RAB3GAP2: variants seen among roughly 807,000 people sequenced by gnomAD.
RAB3GAP2 encodes RAB3 GTPase activating non-catalytic protein subunit 2.
A neutral mutation model predicts 185.3 loss-of-function variants in RAB3GAP2; 87 were observed. The ratio of observed to expected loss-of-function variants is 0.47; its 90% confidence interval spans 0.39 to 0.56. The LOEUF (loss-of-function observed/expected upper bound fraction) is 0.56, where lower values mean the gene tolerates loss of function less well. Ranked by LOEUF, RAB3GAP2 falls within the 20% of genes least tolerant of loss-of-function variation. The probability of loss-of-function intolerance (pLI) is 0.00; values close to 1 mark genes in which losing one functional copy is unlikely to be tolerated. For synonymous variants in RAB3GAP2, 554 were observed against 576.1 expected, an observed-to-expected ratio of 0.96 and a Z score of 0.55; for missense variants, 1,492 against 1,638.2, an observed-to-expected ratio of 0.91 and a Z score of 1.54.
rs141287582 is a variant in RAB3GAP2 at position 220,225,395 on chromosome 1, A to T, written c.180+7404T>A. ...AAAAAAGACAGACTGGGAGGGTTACATTAAGAGCCATGGGCTAAATAAACC... is the reference window on the plus strand; with the variant it reads ...AAAAAAGACAGACTGGGAGGGTTACTTTAAGAGCCATGGGCTAAATAAACC... On this transcript the variant is annotated intron_variant, in intron 2 of 34. Coordinates refer to ENST00000358951, the MANE Select transcript of RAB3GAP2 (RefSeq NM_012414.4). 4.6e-4 allele frequency among the ~76,000 whole-genome samples: 70 copies of T among 152,318 alleles called. 2 individuals carry two copies. Among genetic ancestry groups the T allele is most frequent in the African/African-American group, 1.6e-3 (68 of 41,584 alleles).
chr1:220,198,898 A>T (rs1324067837), intron 9 of RAB3GAP2, among the ~76,000 whole-genome samples: 2 of 152,202 alleles, frequency 1.3e-5, no homozygotes, highest in African/African-American at 4.8e-5. Context: ...CCTCTTTGAC[A>T]ATGTGATATA....
chr1:220,182,135 G>T, intron 21 of RAB3GAP2, 122 bp downstream of exon 21: 1 of 1,502,878 alleles, frequency 6.7e-7, no homozygotes, highest in South Asian at 1.3e-5. Flanking sequence ...ATCATTTTTA[G>T]AAAGTTTTCA....
rs1289968502 is a variant in RAB3GAP2, at chr1:220,190,064, C to G, written c.1714G>C (p.Asp572His). Reference protein sequence around the residue: ...ALLKTKSPNLDLVETEIKELI... With the variant: ...ALLKTKSPNLHLVETEIKELI... Reference sequence around the variant, plus strand: ...ATTATTTGTATGAGAGAATACCTACCAAGATTGGGAGATTTTGTTTTCAGT... The same window carrying G: ...ATTATTTGTATGAGAGAATACCTACGAAGATTGGGAGATTTTGTTTTCAGT... The change falls in exon 16 of 35, where the codon GAT becomes CAT. Residue 572 changes from aspartate to histidine, a missense_variant and splice_region_variant. Transcript: ENST00000358951. 6.2e-7 allele frequency: 1 copy of G among 1,602,252 alleles called. No homozygotes were observed. The highest frequency in any genetic ancestry group is 2.2e-5 in the East Asian group (1 of 44,760).
chr1:220,200,754 C>T, intron 9 of RAB3GAP2: 1 of 428,168 alleles, frequency 2.3e-6, no homozygotes, highest in Non-Finnish European at 4.8e-6. Context: ...CAGAGTATTC[C>T]ATGTAAGAGC....
At chr1:220,153,550 AAAC>A (rs1657801763) in intron 32 of RAB3GAP2, 144 bp from the exon 33 acceptor site, 1 of 700,130 alleles carries the variant, frequency 1.4e-6, no homozygotes, top group Non-Finnish European at 2.5e-6. Flanking sequence ...CACATCATTT[AAAC>A]AACTAGCTCT....
chr1:220,266,355 T>G, intron 1 of RAB3GAP2: 1 of 397,010 alleles, frequency 2.5e-6, no homozygotes, highest in Non-Finnish European at 4.8e-6. Flanking sequence ...ACCGATCGAG[T>G]CAGCACAAAG....
intron 1 of RAB3GAP2, among the ~76,000 whole-genome samples, chr1:220,255,952 G>A (rs1243438760): frequency 2.6e-5 from 4 of 152,140 alleles, no homozygotes; most frequent in Non-Finnish European, 2.9e-5. Context: ...TACTCCTCAA[G>A]AAGATCAACC....
chr1:220,237,421 G>T (rs1341758914), intron 1 of RAB3GAP2, among the ~76,000 whole-genome samples: 1 of 152,166 alleles, frequency 6.6e-6, no homozygotes, highest in Non-Finnish European at 1.5e-5. Flanking sequence ...AACAAAATTG[G>T]TCAGAAAATT....
At chr1:220,254,654 T>C in intron 1 of RAB3GAP2, 1 of 813,020 alleles carries the variant, frequency 1.2e-6, no homozygotes, top group Non-Finnish European at 2.0e-6. Flanking sequence ...AATTGATGTT[T>C]GTTTTCTGTT....
intron 18 of RAB3GAP2, 49 bp downstream of exon 18, chr1:220,185,602 C>T: frequency 1.4e-6 from 2 of 1,416,620 alleles, no homozygotes; most frequent in South Asian, 1.2e-5. Context: ...ATCAGAGTTA[C>T]AAAATTTGAG....
intron 1 of RAB3GAP2, among the ~76,000 whole-genome samples, chr1:220,256,146 T>G (rs1451134153): frequency 6.6e-6 from 1 of 152,200 alleles, no homozygotes; most frequent in Non-Finnish European, 1.5e-5. Flanking sequence ...ATTTCATACC[T>G]GGCTAAGCTA....
chr1:220,205,903 T>C lies in RAB3GAP2; in HGVS notation c.712+4A>G, dbSNP rs1191043920. The C allele has an allele frequency of 6.3e-7, 1 of 1,577,140 alleles. No individual in the cohort carries two copies. The highest frequency in any genetic ancestry group is 8.7e-7 in the Non-Finnish European group (1 of 1,147,130). On this transcript the variant is annotated splice_donor_region_variant and intron_variant, in intron 8 of 34. Coordinates refer to ENST00000358951, the MANE Select transcript of RAB3GAP2 (RefSeq NM_012414.4). ...AGGTTAAATATTTCTTGCCAAAATATTACCTTTTGCTACCTGATTTCGACA... is the reference window on the plus strand; with the variant it reads ...AGGTTAAATATTTCTTGCCAAAATACTACCTTTTGCTACCTGATTTCGACA...
At chr1:220,206,503 C>T (rs1260595901) in intron 7 of RAB3GAP2, among the ~76,000 whole-genome samples, 1 of 152,130 alleles carries the variant, frequency 6.6e-6, no homozygotes, top group Non-Finnish European at 1.5e-5. Context: ...GCTGCACAGT[C>T]TTTCATTATA....
chr1:220,154,435 C>T, intron 31 of RAB3GAP2: 1 of 223,028 alleles, frequency 4.5e-6, no homozygotes, highest in East Asian at 1.1e-4. Flanking sequence ...AAGCCAGGTT[C>T]CGTGTTGTGA....
At chr1:220,240,664 T>C (rs934394521) in intron 1 of RAB3GAP2, among the ~76,000 whole-genome samples, 9 of 152,152 alleles carry the variant, frequency 5.9e-5, no homozygotes, top group African/African-American at 1.9e-4. Context: ...TTACATGATA[T>C]GAAGAGAAAT....
chr1:220,178,128 G>A (rs1486856429), intron 21 of RAB3GAP2, among the ~76,000 whole-genome samples: 1 of 152,178 alleles, frequency 6.6e-6, no homozygotes, highest in Non-Finnish European at 1.5e-5. Context: ...GGCCAAGAGG[G>A]AGTGGGGCAG....
chr1:220,224,279 A>C (rs901980935), intron 2 of RAB3GAP2, among the ~76,000 whole-genome samples: 1 of 152,128 alleles, frequency 6.6e-6, no homozygotes, highest in African/African-American at 2.4e-5. Context: ...AGGCAGTCGG[A>C]CTCTCAATTA....
intron 1 of RAB3GAP2, among the ~76,000 whole-genome samples, chr1:220,258,883 C>T (rs1660084192): frequency 6.6e-6 from 1 of 152,192 alleles, no homozygotes; most frequent in African/African-American, 2.4e-5. Flanking sequence ...GCAACTTCAG[C>T]AAAGTCTCAG....
intron 2 of RAB3GAP2, among the ~76,000 whole-genome samples, chr1:220,231,239 C>T (rs1302840425): frequency 6.6e-6 from 1 of 152,182 alleles, no homozygotes; most frequent in Non-Finnish European, 1.5e-5. Context: ...TCCCTTCAAA[C>T]TCTCAAGCCC....
Sources: gnomAD v4.1 joint callset for allele counts (sites outside exome capture counted in the v4.1 genomes callset) on GRCh38, gnomAD v4.1.1 for gene constraint, MANE v1.5 for transcripts, NCBI Gene and HGNC (gene_info 2026-07-23, HGNC 2026-07-21) for gene names.